The following CFAP69 variants were observed in gnomAD, a reference collection of about 807,000 sequenced individuals.
CFAP69 encodes cilia and flagella associated protein 69.
A neutral mutation model predicts 123.0 loss-of-function variants in CFAP69; 92 were observed. The observed-to-expected ratio is 0.75, with a 90% CI of 0.63 to 0.89. The LOEUF (loss-of-function observed/expected upper bound fraction) is 0.89, where lower values mean the gene tolerates loss of function less well. Among genes scored for constraint, CFAP69 ranks in the 40% least tolerant of loss-of-function variants. CFAP69 has a pLI of 0.00. For missense variants in CFAP69, 1,067 were observed against 1,096.9 expected (o/e 0.97, Z 0.39); for synonymous variants, 380 against 364.3 (o/e 1.04, Z -0.49).
Position 90,274,573 on chromosome 7 carries a change from G to A in CFAP69, c.984+463G>A, listed in dbSNP as rs538988278. Among the ~76,000 whole-genome samples, 3 of 152,268 alleles carry A rather than the reference G, an allele frequency of 2.0e-5. No homozygotes were observed. In the South Asian group the frequency reaches 6.2e-4, roughly 32 times the overall value. On this transcript the variant is annotated intron_variant, in intron 9 of 22. Coordinates refer to ENST00000389297, the MANE Select transcript of CFAP69 (RefSeq NM_001039706.3). ...AAATGTTTTTGTTTAGCATTTCAAA[G>A]ATAAAGTTCTGCTGTCTTATGGAGT...
intron 9 of CFAP69, among the ~76,000 whole-genome samples, chr7:90,275,062 T>C (rs779123106): frequency 2.0e-4 from 31 of 152,232 alleles, no homozygotes; most frequent in Non-Finnish European, 4.3e-4. Flanking sequence ...TTAGTCTATA[T>C]ATTTAAATTC....
chr7:90,280,465 C>T (rs1789309940), intron 12 of CFAP69, among the ~76,000 whole-genome samples: 1 of 152,168 alleles, frequency 6.6e-6, no homozygotes, highest in African/African-American at 2.4e-5. Flanking sequence ...CACAGTGTTG[C>T]GATTACAGGC....
chr7:90,270,458 A>G (rs974812144), intron 6 of CFAP69, among the ~76,000 whole-genome samples: 1 of 152,148 alleles, frequency 6.6e-6, no homozygotes. Context: ...CACAAGAAAT[A>G]TATGAAAATG....
chr7:90,259,897 C>T (rs1005389441), intron 3 of CFAP69, among the ~76,000 whole-genome samples: 1 of 152,050 alleles, frequency 6.6e-6, no homozygotes, highest in Non-Finnish European at 1.5e-5. Flanking sequence ...TTTATGTATT[C>T]ATTTTGTCAC....
intron 14 of CFAP69, among the ~76,000 whole-genome samples, chr7:90,286,836 T>G (rs535565313): frequency 6.6e-6 from 1 of 152,118 alleles, no homozygotes; most frequent in African/African-American, 2.4e-5. Flanking sequence ...GCCTGTAATC[T>G]CAGCACTTTG....
chr7:90,315,581 CAGGCACTG>C (rs1361956422), downstream of CFAP69, among the ~76,000 whole-genome samples: 2 of 152,088 alleles, frequency 1.3e-5, no homozygotes, highest in Non-Finnish European at 1.5e-5. Context: ...TGCGGAACAA[CAGGCACTG>C]AGGCCTACTT....
chr7:90,306,146 C>A (rs1793560852), intron 19 of CFAP69, among the ~76,000 whole-genome samples: 1 of 151,690 alleles, frequency 6.6e-6, no homozygotes, highest in African/African-American at 2.4e-5. Flanking sequence ...GAGACAAGGT[C>A]TCACTGTGTT....
At chr7:90,285,286 C>G (rs1162446975) in intron 13 of CFAP69, among the ~76,000 whole-genome samples, 2 of 152,106 alleles carry the variant, frequency 1.3e-5, no homozygotes, top group Non-Finnish European at 2.9e-5. Flanking sequence ...CTAATGGGAC[C>G]TAGAATAGTC....
the CFAP69 span, chr7:90,317,093 T>C: frequency 6.9e-6 from 1 of 144,262 alleles, no homozygotes; most frequent in Non-Finnish European, 1.5e-5. Context: ...GTCAGGTCAT[T>C]TTTTTTTTTT....
At chr7:90,291,683 G>A (rs558753891) in intron 15 of CFAP69, among the ~76,000 whole-genome samples, 4 of 152,272 alleles carry the variant, frequency 2.6e-5, no homozygotes, top group Admixed American at 2.6e-4. Context: ...TCAGGCTGAA[G>A]AGGGGTGATG....
At chr7:90,287,606 G>C (rs919203339) in intron 14 of CFAP69, 1 of 985,290 alleles carries the variant, frequency 1.0e-6, no homozygotes, top group African/African-American at 1.7e-5. Context: ...TCAATAGATA[G>C]ATTTTAAGTG....
intron 17 of CFAP69, 106 bp from the exon 18 acceptor site, chr7:90,303,863 A>G: frequency 7.6e-7 from 1 of 1,308,026 alleles, no homozygotes; most frequent in Non-Finnish European, 9.9e-7. Flanking sequence ...TTGCTACAAT[A>G]TTTTTATATA....
chr7:90,267,308 G>A (rs1186350361), intron 5 of CFAP69, among the ~76,000 whole-genome samples: 3 of 152,120 alleles, frequency 2.0e-5, no homozygotes, highest in Non-Finnish European at 4.4e-5. Flanking sequence ...CTCCAGAGAT[G>A]AGCGTCTTGC....
chr7:90,291,082 G>A (rs1249468361), intron 15 of CFAP69, among the ~76,000 whole-genome samples: 1 of 152,028 alleles, frequency 6.6e-6, no homozygotes, highest in Admixed American at 6.6e-5. Context: ...CGAAAGAGAG[G>A]GTTCTTGGAT....
intron 17 of CFAP69, chr7:90,302,005 A>G (rs1792884045): frequency 6.6e-6 from 1 of 152,192 alleles, no homozygotes; most frequent in Non-Finnish European, 1.5e-5. Context: ...TGACTTTTTA[A>G]TAACAGCCAT....
chr7:90,257,373 G>A (rs1797779287), intron 2 of CFAP69, among the ~76,000 whole-genome samples: 1 of 152,148 alleles, frequency 6.6e-6, no homozygotes, highest in South Asian at 2.1e-4. Flanking sequence ...TGCATAAAAT[G>A]TGTAATGATC....
intron 14 of CFAP69, among the ~76,000 whole-genome samples, chr7:90,286,799 C>T (rs925420279): frequency 1.3e-5 from 2 of 151,982 alleles, no homozygotes; most frequent in Non-Finnish European, 2.9e-5. Flanking sequence ...AGAAATATAT[C>T]CATGTTGGCC....
intron 18 of CFAP69, 139 bp downstream of exon 18, chr7:90,304,245 T>A: frequency 7.2e-7 from 1 of 1,384,868 alleles, no homozygotes; most frequent in Non-Finnish European, 9.3e-7. Flanking sequence ...TTACCCCAAT[T>A]CCCAAACTGC....
intron 1 of CFAP69, among the ~76,000 whole-genome samples, chr7:90,248,390 A>G (rs892138075): frequency 1.3e-5 from 2 of 152,324 alleles, no homozygotes; most frequent in African/African-American, 4.8e-5. Flanking sequence ...TTACTTCTGC[A>G]TTAAGTGGTA....
Sources: gnomAD v4.1 joint callset for allele counts (sites outside exome capture counted in the v4.1 genomes callset) on GRCh38, gnomAD v4.1.1 for gene constraint, MANE v1.5 for transcripts, NCBI Gene and HGNC (gene_info 2026-07-23, HGNC 2026-07-21) for gene names.